XRCC4: variants seen among roughly 807,000 people sequenced by gnomAD.
XRCC4 encodes X-ray repair cross complementing 4, also known as DNA repair protein XRCC4.
XRCC4 carries 28 observed loss-of-function variants against 39.1 expected under a neutral mutation model. The observed-to-expected ratio is 0.72, with a 90% CI of 0.53 to 0.98. The LOEUF (loss-of-function observed/expected upper bound fraction) is 0.98, where lower values mean the gene tolerates loss of function less well. XRCC4 is among the 50% of genes least tolerant of loss of function. The probability of loss-of-function intolerance (pLI) is 0.00; values close to 1 mark genes in which losing one functional copy is unlikely to be tolerated. For synonymous variants in XRCC4, 123 were observed against 126.4 expected (o/e 0.97, Z 0.18); for missense variants, 350 against 376.4 (o/e 0.93, Z 0.58).
At chr5:83,080,268 T>C (rs982001138) in intron 1 of XRCC4, among the ~76,000 whole-genome samples, 1 of 152,202 alleles carries the variant, frequency 6.6e-6, no homozygotes, top group Non-Finnish European at 1.5e-5. Context: ...GGCTCATGCC[T>C]GTAATTCCAG....
intron 2 of XRCC4, among the ~76,000 whole-genome samples, chr5:83,110,456 G>A (rs1291094365): frequency 6.6e-6 from 1 of 151,958 alleles, no homozygotes; most frequent in African/African-American, 2.4e-5. Flanking sequence ...AGAATTGGAA[G>A]CGGTCTCTAG....
chr5:83,261,253 T>C (rs1753737664), intron 7 of XRCC4, among the ~76,000 whole-genome samples: 1 of 152,068 alleles, frequency 6.6e-6, no homozygotes, highest in African/African-American at 2.4e-5. Flanking sequence ...GGCTAGCCCT[T>C]ATTTTAAGTT....
intron 6 of XRCC4, among the ~76,000 whole-genome samples, chr5:83,242,160 CATTGT>C (rs1265573408): frequency 1.6e-5 from 2 of 122,842 alleles, no homozygotes; most frequent in Admixed American, 9.1e-5. Context: ...CTCGTATACA[CATTGT>C]GTGTGTGTGT....
intron 7 of XRCC4, among the ~76,000 whole-genome samples, chr5:83,286,085 A>C (rs965773949): frequency 6.6e-6 from 1 of 152,110 alleles, no homozygotes; most frequent in Admixed American, 6.6e-5. Context: ...TGAGGTTCTA[A>C]AGATGGAATA....
chr5:83,137,038 C>A (rs1266490208), intron 3 of XRCC4, among the ~76,000 whole-genome samples: 1 of 152,042 alleles, frequency 6.6e-6, no homozygotes, highest in East Asian at 1.9e-4. Flanking sequence ...AGACATAGAT[C>A]AAGTCATCAA....
At chr5:83,349,079 T>G (rs1307417975) in intron 7 of XRCC4, among the ~76,000 whole-genome samples, 1 of 152,220 alleles carries the variant, frequency 6.6e-6, no homozygotes, top group East Asian at 1.9e-4. Context: ...CTCATCTTCC[T>G]ATCTTCTTCC....
At chr5:83,350,558 G>T (rs564078530) in intron 7 of XRCC4, among the ~76,000 whole-genome samples, 1 of 151,976 alleles carries the variant, frequency 6.6e-6, no homozygotes, top group Non-Finnish European at 1.5e-5. Context: ...TTGGTTGCTT[G>T]TGTGTCTTCT....
chr5:83,227,921 G>C lies in XRCC4; in HGVS notation c.745+23000G>C, dbSNP rs28360192. 2.5e-3 allele frequency among the ~76,000 whole-genome samples: 380 copies of C among 152,146 alleles called. 1 individual carries two copies. Among genetic ancestry groups the C allele is most frequent in the African/African-American group, 8.8e-3 (365 of 41,544 alleles). ...TCCTGAAACCATCACTTGTAGGGAG[G>C]ATAGCGTACCTTCAGTGACTTCCTT... On this transcript the variant is annotated intron_variant, in intron 6 of 7. Transcript: ENST00000396027.
intron 1 of XRCC4, among the ~76,000 whole-genome samples, chr5:83,097,564 T>C (rs1327997827): frequency 2.0e-5 from 3 of 151,736 alleles, no homozygotes; most frequent in Non-Finnish European, 4.4e-5. Flanking sequence ...TTTTTTTAAG[T>C]AGAAAAGACT....
intron 1 of XRCC4, among the ~76,000 whole-genome samples, chr5:83,079,785 C>T (rs541247473): frequency 4.6e-5 from 7 of 152,238 alleles, no homozygotes; most frequent in Admixed American, 2.0e-4. Context: ...CCTCCCGCCT[C>T]GGCCTCCCAA....
chr5:83,157,134 T>A (rs534337819), intron 3 of XRCC4, among the ~76,000 whole-genome samples: 1 of 152,264 alleles, frequency 6.6e-6, no homozygotes, highest in Admixed American at 6.5e-5. Context: ...ACTGGCTCCC[T>A]TCCTTTGCTT....
At chr5:83,202,786 G>A (rs1023129095) in intron 4 of XRCC4, among the ~76,000 whole-genome samples, 5 of 152,102 alleles carry the variant, frequency 3.3e-5, no homozygotes, top group Admixed American at 2.6e-4. Context: ...CATATATTAA[G>A]TATATACAAC....
intron 3 of XRCC4, among the ~76,000 whole-genome samples, chr5:83,181,148 A>C (rs1005620502): frequency 7.3e-6 from 1 of 137,172 alleles, no homozygotes; most frequent in Non-Finnish European, 1.6e-5. Context: ...ATTATCTATT[A>C]TCTTTTTATT....
At chr5:83,204,970 T>C (rs1751364088) in intron 6 of XRCC4, 49 bp downstream of exon 6, 3 of 1,266,318 alleles carry the variant, frequency 2.4e-6, no homozygotes, top group Non-Finnish European at 3.4e-6. Flanking sequence ...TTATTTGGGC[T>C]TCTTATTCTA....
At chr5:83,175,196 A>G (rs1170327298) in intron 3 of XRCC4, among the ~76,000 whole-genome samples, 2 of 152,196 alleles carry the variant, frequency 1.3e-5, no homozygotes, top group Non-Finnish European at 2.9e-5. Context: ...TGACATAATG[A>G]ATGAAACATA....
intron 7 of XRCC4, among the ~76,000 whole-genome samples, chr5:83,295,755 C>G (rs961513902): frequency 9.9e-5 from 15 of 151,940 alleles, no homozygotes; most frequent in African/African-American, 3.6e-4. Context: ...CATGCACAAG[C>G]CTATCTAGCA....
At chr5:83,104,488 G>GA (rs1554054204) in intron 1 of XRCC4, among the ~76,000 whole-genome samples, 1 of 150,556 alleles carries the variant, frequency 6.6e-6, no homozygotes, top group Admixed American at 6.6e-5. Flanking sequence ...ATAATTTTTT[G>GA]TTTTTTTTTA....
At chr5:83,305,811 C>G (rs1755463148) in intron 7 of XRCC4, among the ~76,000 whole-genome samples, 1 of 152,046 alleles carries the variant, frequency 6.6e-6, no homozygotes. Context: ...TACAAAGTCT[C>G]AACAATTAAA....
At chr5:83,186,198 T>TTA (rs1750431031) in intron 3 of XRCC4, among the ~76,000 whole-genome samples, 1 of 152,186 alleles carries the variant, frequency 6.6e-6, no homozygotes, top group African/African-American at 2.4e-5. Flanking sequence ...TCTAGAATGA[T>TTA]TATATCCTAG....
Sources: gnomAD v4.1 joint callset for allele counts (sites outside exome capture counted in the v4.1 genomes callset) on GRCh38, gnomAD v4.1.1 for gene constraint, MANE v1.5 for transcripts, NCBI Gene and HGNC (gene_info 2026-07-23, HGNC 2026-07-21) for gene names.